Variants in AMOTL1 observed in about 807,000 individuals in gnomAD.
The protein encoded by AMOTL1 is angiomotin like 1.
In AMOTL1, 45 loss-of-function variants were observed where a neutral mutation model predicts 102.9. The ratio of observed to expected loss-of-function variants is 0.44; its 90% CI spans 0.34 to 0.56. AMOTL1 has a LOEUF of 0.56. AMOTL1 is among the 20% of genes least tolerant of loss of function. AMOTL1 has a pLI of 0.01. For synonymous variants in AMOTL1, 481 were observed against 484.7 expected (o/e 0.99, Z 0.10); for missense variants, 1,114 against 1,225.6 (o/e 0.91, Z 1.36).
chr11:94,776,594 G>T (rs1425137653), intron 1 of AMOTL1, among the ~76,000 whole-genome samples: 2 of 152,332 alleles, frequency 1.3e-5, no homozygotes, highest in South Asian at 2.1e-4. Flanking sequence ...TTGTGAGGTA[G>T]GGCTCTGCAC....
intron 6 of AMOTL1, among the ~76,000 whole-genome samples, chr11:94,838,216 CT>C (rs1379333388): frequency 6.6e-6 from 1 of 152,246 alleles, no homozygotes; most frequent in Non-Finnish European, 1.5e-5. Context: ...GGGGCCCTGT[CT>C]GTCATCTTCA....
At chr11:94,854,181 G>A in intron 8 of AMOTL1, 99 bp downstream of exon 8, 1 of 1,385,858 alleles carries the variant, frequency 7.2e-7, no homozygotes, top group Non-Finnish European at 9.5e-7. Context: ...CTTGCTCCCA[G>A]GATTCAGAGG....
chr11:94,825,184 C>T (rs1286905416), intron 4 of AMOTL1, among the ~76,000 whole-genome samples: 1 of 152,074 alleles, frequency 6.6e-6, no homozygotes, highest in African/African-American at 2.4e-5. Context: ...AGTGGGTTGG[C>T]CTTGAAAGCC....
intron 3 of AMOTL1, among the ~76,000 whole-genome samples, chr11:94,745,908 T>C (rs117282587): frequency 0.015 from 2,240 of 152,316 alleles, 75 homozygotes; most frequent in Admixed American, 0.079. Flanking sequence ...TAGTCAGGAA[T>C]GGTGATTAGG....
At chr11:94,818,723 T>G (rs1352315401) in intron 3 of AMOTL1, among the ~76,000 whole-genome samples, 1 of 152,224 alleles carries the variant, frequency 6.6e-6, no homozygotes, top group East Asian at 1.9e-4. Flanking sequence ...CTAAAGTTTT[T>G]CCTGGCTACA....
rs1050165951 is a variant in AMOTL1, at chr11:94,799,961, C to T, written c.771C>T (p.His257=). 6 of 1,613,942 alleles carry T rather than the reference C, an allele frequency of 3.7e-6. No homozygotes were observed. Among genetic ancestry groups the T allele is most frequent in the African/African-American group, 1.3e-5 (1 of 75,036 alleles). Residue 257 remains histidine (H), a synonymous_variant, in exon 3 of 13, where the codon CAC becomes CAT. Coordinates refer to ENST00000433060, the MANE Select transcript of AMOTL1 (RefSeq NM_130847.3). This position sits in a 1 kb window ranked among gnomAD's most constrained non-coding sequence, Gnocchi z 4.5. Reference sequence around the variant, plus strand: ...CGCTGAAGGAACTGAAGCAGGGCCACGTCCGCTCGCTCAGCGAGAGAATCA... The same window carrying T: ...CGCTGAAGGAACTGAAGCAGGGCCATGTCCGCTCGCTCAGCGAGAGAATCA... The part of the protein sequence containing the change: ...DEALKELKQG[H]VRSLSERIMQ...
In AMOTL1 at chr11:94,870,792, C is replaced by A. The variant is rs750998137; in HGVS notation, c.2868C>A (p.Ile956=). The part of the protein sequence containing the change: ...FPDGEMMEVL[I] The stretch of plus-strand genomic sequence containing the variant: ...ATGGAGAGATGATGGAAGTCCTCAT[C>A]TAACTGCCATCCCTGTGGAATTTCA... Residue 956 remains isoleucine (I), a synonymous_variant, in exon 13 of 13, where the codon ATC becomes ATA. Coordinates refer to ENST00000433060, the MANE Select transcript of AMOTL1 (RefSeq NM_130847.3). 1.1e-5 allele frequency: 18 copies of A among 1,590,500 alleles called. No homozygotes were observed. The highest frequency in any genetic ancestry group is 1.5e-5 in the Non-Finnish European group (17 of 1,166,510).
intron 1 of AMOTL1, among the ~76,000 whole-genome samples, chr11:94,728,196 G>A (rs1950290386): frequency 6.6e-6 from 1 of 152,052 alleles, no homozygotes; most frequent in African/African-American, 2.4e-5. Flanking sequence ...TGTAATATGG[G>A]CAAGAGTTTG....
At chr11:94,745,028 G>T (rs1950574200) in intron 3 of AMOTL1, among the ~76,000 whole-genome samples, 1 of 151,806 alleles carries the variant, frequency 6.6e-6, no homozygotes, top group East Asian at 1.9e-4. Flanking sequence ...GCCTTCCTTG[G>T]CTCTTGATCT....
chr11:94,730,795 A>G (rs72967850), intron 2 of AMOTL1, among the ~76,000 whole-genome samples: 6,510 of 152,260 alleles, frequency 0.043, 189 homozygotes, highest in Non-Finnish European at 0.064. Flanking sequence ...TGGCACCACC[A>G]CATCACTTCA....
In AMOTL1 at chr11:94,744,044, A is replaced by G. The variant is rs149765495; in HGVS notation, c.136+3056A>G. Among the ~76,000 whole-genome samples the G allele has an allele frequency of 3.8e-3, 582 of 152,234 alleles. 9 individuals are homozygous for G. Among genetic ancestry groups the G allele is most frequent in the African/African-American group, 0.013 (560 of 41,534 alleles). ...TAAATATTTTGCAGCCACCAACCAG[A>G]TGTCCTAGAATTTAATTAAATTTTA... On this transcript the variant is annotated intron_variant, in intron 3 of 4. Coordinates refer to the AMOTL1 transcript ENST00000299004.
chr11:94,806,111 G>C (rs1951563873), intron 3 of AMOTL1, among the ~76,000 whole-genome samples: 1 of 152,216 alleles, frequency 6.6e-6, no homozygotes, highest in African/African-American at 2.4e-5. Flanking sequence ...CATGCCCACT[G>C]ACAGTGCAGG....
At chr11:94,829,899 G>A (rs1592009782) in intron 4 of AMOTL1, 151 bp from the exon 5 acceptor site, 2 of 711,392 alleles carry the variant, frequency 2.8e-6, no homozygotes, top group East Asian at 2.9e-5. Flanking sequence ...GAGTGAAATC[G>A]ATTATACAGT....
chr11:94,718,808 G>T (rs1409326871), intron 1 of AMOTL1, among the ~76,000 whole-genome samples: 3 of 151,594 alleles, frequency 2.0e-5, no homozygotes, highest in Non-Finnish European at 4.4e-5. Flanking sequence ...TTTTGTATAC[G>T]TTATAAATTT....
intron 1 of AMOTL1, among the ~76,000 whole-genome samples, chr11:94,775,894 T>G (rs535238799): frequency 3.4e-4 from 52 of 152,230 alleles, no homozygotes; most frequent in Middle Eastern, 3.2e-3. Context: ...TCATTCCATT[T>G]GAAAGCTGGG....
upstream of AMOTL1, chr11:94,768,285 G>T: frequency 7.5e-7 from 1 of 1,335,534 alleles, no homozygotes; most frequent in South Asian, 1.8e-5. Flanking sequence ...GGAGTGTAGG[G>T]TTCTAGTGAC....
chr11:94,809,223 G>A (rs538581197), intron 3 of AMOTL1, among the ~76,000 whole-genome samples: 20 of 151,904 alleles, frequency 1.3e-4, no homozygotes, highest in Non-Finnish European at 2.4e-4. Flanking sequence ...CACCCACCTC[G>A]GCCTCCCAAA....
At chr11:94,849,097 C>G (rs2135706956) in intron 6 of AMOTL1, among the ~76,000 whole-genome samples, 1 of 152,196 alleles carries the variant, frequency 6.6e-6, no homozygotes, top group African/African-American at 2.4e-5. Context: ...TCATTCTATG[C>G]CTCATTTTCT....
intron 6 of AMOTL1, among the ~76,000 whole-genome samples, chr11:94,834,509 G>A (rs946144342): frequency 7.2e-5 from 11 of 152,098 alleles, no homozygotes; most frequent in Non-Finnish European, 1.3e-4. Flanking sequence ...GAAGAATGGC[G>A]TGAACCCGGG....
Sources: gnomAD v4.1 joint callset for allele counts (sites outside exome capture counted in the v4.1 genomes callset) on GRCh38, gnomAD v4.1.1 for gene constraint, Gnocchi (gnomAD v3.1) non-coding constraint, MANE v1.5 for transcripts, NCBI Gene and HGNC (gene_info 2026-07-23, HGNC 2026-07-21) for gene names.